MALRD1: variants seen among roughly 807,000 people sequenced by gnomAD.
The protein encoded by MALRD1 is MAM and LDL receptor class A domain containing 1, also known as MAM and LDL-receptor class A domain-containing protein 1.
A neutral mutation model predicts 242.1 loss-of-function variants in MALRD1; 247 were observed. That is an observed-to-expected ratio of 1.02 (90% CI 0.92 to 1.13). The LOEUF is 1.13. Among genes scored for constraint, MALRD1 ranks in the 50% most tolerant of loss-of-function variants. The pLI, the probability that MALRD1 is intolerant of heterozygous loss-of-function variation, is 0.00. For synonymous variants in MALRD1, 995 were observed against 866.6 expected (o/e 1.15, Z -2.60); for missense variants, 2,989 against 2,533.1 (o/e 1.18, Z -3.86).
At chr10:19,281,238 A>G (rs1840793628) in intron 20 of MALRD1, among the ~76,000 whole-genome samples, 1 of 152,226 alleles carries the variant, frequency 6.6e-6, no homozygotes, top group Non-Finnish European at 1.5e-5. Context: ...ATCATGCATC[A>G]CAGATGGAAA....
chr10:19,269,277 T>C (rs1436057319), intron 19 of MALRD1, among the ~76,000 whole-genome samples: 1 of 151,952 alleles, frequency 6.6e-6, no homozygotes, highest in African/African-American at 2.4e-5. Context: ...GATTAGGTCA[T>C]GAGGATGAGG....
chr10:19,685,235 C>T (rs1264938536), intron 36 of MALRD1, among the ~76,000 whole-genome samples: 1 of 151,866 alleles, frequency 6.6e-6, no homozygotes, highest in Non-Finnish European at 1.5e-5. Flanking sequence ...TTTTCTTTAT[C>T]TTTCTTCTAT....
intron 31 of MALRD1, among the ~76,000 whole-genome samples, chr10:19,509,627 C>T (rs1324846431): frequency 6.6e-6 from 1 of 152,164 alleles, no homozygotes; most frequent in Non-Finnish European, 1.5e-5. Flanking sequence ...TCACAAGGTA[C>T]AGTATCGAGT....
At chr10:19,134,821 T>G (rs1025061024) in intron 9 of MALRD1, among the ~76,000 whole-genome samples, 1 of 152,194 alleles carries the variant, frequency 6.6e-6, no homozygotes, top group Non-Finnish European at 1.5e-5. Context: ...TTGAGAGTTA[T>G]TCCAGGTTCT....
chr10:19,309,387 T>C (rs1359824693), intron 21 of MALRD1, among the ~76,000 whole-genome samples: 1 of 151,560 alleles, frequency 6.6e-6, no homozygotes, highest in Non-Finnish European at 1.5e-5. Flanking sequence ...TACCAAAATA[T>C]ATCTACTTAC....
chr10:19,652,083 C>T (rs1389380466), intron 36 of MALRD1, among the ~76,000 whole-genome samples: 2 of 152,098 alleles, frequency 1.3e-5, no homozygotes, highest in Non-Finnish European at 2.9e-5. Flanking sequence ...ACAGGGCCAG[C>T]GAGGGTGACC....
intron 38 of MALRD1, among the ~76,000 whole-genome samples, chr10:19,715,968 A>T (rs183128081): frequency 6.6e-6 from 1 of 151,344 alleles, no homozygotes; most frequent in African/African-American, 2.5e-5. Flanking sequence ...CCCACTTTCC[A>T]ACATTGGAGG....
At chr10:19,560,126 T>C (rs1835897600) in intron 32 of MALRD1, among the ~76,000 whole-genome samples, 1 of 152,182 alleles carries the variant, frequency 6.6e-6, no homozygotes, top group Non-Finnish European at 1.5e-5. Flanking sequence ...GACCCAGTCA[T>C]CCCATTACTG....
At chr10:19,416,597 A>T (rs1833521425) in intron 28 of MALRD1, among the ~76,000 whole-genome samples, 1 of 152,018 alleles carries the variant, frequency 6.6e-6, no homozygotes, top group Non-Finnish European at 1.5e-5. Context: ...TTTGGCAACA[A>T]AAGTCAACTT....
chr10:19,516,421 T>C (rs1225877147), intron 31 of MALRD1, among the ~76,000 whole-genome samples: 2 of 152,198 alleles, frequency 1.3e-5, no homozygotes, highest in East Asian at 1.9e-4. Flanking sequence ...ACATTTCTTA[T>C]AGCTTTTATT....
At chr10:19,609,764 A>G (rs892019332) in intron 35 of MALRD1, among the ~76,000 whole-genome samples, 1 of 152,094 alleles carries the variant, frequency 6.6e-6, no homozygotes, top group African/African-American at 2.4e-5. Flanking sequence ...GTCTGGCTAA[A>G]TCTAAACTGA....
chr10:19,358,195 A>AGTGTGTGTGTGTGTGTGT lies in MALRD1; in HGVS notation c.4441+5917_4441+5934dup, dbSNP rs776862926. Among the ~76,000 whole-genome samples, 366 of 145,672 alleles carry AGTGTGTGTGTGTGTGTGT rather than the reference A, an allele frequency of 2.5e-3. 6 individuals are homozygous for AGTGTGTGTGTGTGTGTGT. Among genetic ancestry groups the AGTGTGTGTGTGTGTGTGT allele is most frequent in the South Asian group, 7.4e-3 (34 of 4,574 alleles). On this transcript the variant is annotated intron_variant, in intron 26 of 39. Coordinates refer to ENST00000454679, the MANE Select transcript of MALRD1 (RefSeq NM_001142308.3). ...ATATATGCAATCAGGGCAGGAGTCA[A>AGTGTGTGTGTGTGTGTGT]GTGTGTGTGTGTGTGTGTGTGTGTG...
intron 19 of MALRD1, among the ~76,000 whole-genome samples, chr10:19,264,547 A>G (rs1839897240): frequency 6.8e-6 from 1 of 147,434 alleles, no homozygotes; most frequent in Non-Finnish European, 1.5e-5. Context: ...TCCGCCTCCC[A>G]GGTTCACGCC....
chr10:19,325,067 G>A lies in MALRD1; in HGVS notation c.3576+962G>A, dbSNP rs151253138. On this transcript the variant is annotated intron_variant, in intron 22 of 39. Transcript: ENST00000454679. ...ACAATGCTGATTGCCTAATTGTGATGTTCTAACTCAATTATTCTGTCCACA... is the reference window on the plus strand; with the variant it reads ...ACAATGCTGATTGCCTAATTGTGATATTCTAACTCAATTATTCTGTCCACA... 4.2e-3 allele frequency among the ~76,000 whole-genome samples: 429 copies of A among 101,826 alleles called. 4 individuals are homozygous for A. Among genetic ancestry groups the A allele is most frequent in the African/African-American group, 0.015 (414 of 26,710 alleles). The allele number at this position is 101,826 out of a possible 152,430, so 66.8% of individuals were successfully genotyped here.
At chr10:19,464,685 G>T (rs1417922199) in intron 29 of MALRD1, among the ~76,000 whole-genome samples, 1 of 152,062 alleles carries the variant, frequency 6.6e-6, no homozygotes, top group Non-Finnish European at 1.5e-5. Flanking sequence ...TCTTGCTTTG[G>T]CTATGTGGGC....
chr10:19,591,127 A>G (rs1032427074), intron 33 of MALRD1, among the ~76,000 whole-genome samples: 4 of 152,154 alleles, frequency 2.6e-5, no homozygotes, highest in African/African-American at 9.7e-5. Context: ...TGCCTTTTCT[A>G]GAATGTCATA....
chr10:19,573,250 G>T (rs1254420918), intron 33 of MALRD1, among the ~76,000 whole-genome samples: 1 of 152,148 alleles, frequency 6.6e-6, no homozygotes, highest in Non-Finnish European at 1.5e-5. Flanking sequence ...GGCCCTGGAA[G>T]CCATTAAGGC....
At position 19,669,583 on chromosome 10, in the gene MALRD1, A is replaced by T. The variant is rs538284717; in HGVS notation, c.6138-22699A>T. The stretch of plus-strand genomic sequence containing the variant: ...TACTCATAGTTTATCTAATAATTTA[A>T]TTTAGTACAAAATTGTGTTGAGAAG... On this transcript the variant is annotated intron_variant, in intron 36 of 39. Coordinates refer to ENST00000454679, the MANE Select transcript of MALRD1 (RefSeq NM_001142308.3). Among the ~76,000 whole-genome samples the T allele has an allele frequency of 3.5e-4, 54 of 152,294 alleles. 1 individual carries two copies. Among genetic ancestry groups the T allele is most frequent in the African/African-American group, 1.3e-3 (53 of 41,562 alleles).
chr10:19,115,566 T>G (rs965868286), intron 5 of MALRD1, among the ~76,000 whole-genome samples: 10 of 152,168 alleles, frequency 6.6e-5, no homozygotes, highest in Non-Finnish European at 1.3e-4. Context: ...ATGAGGAAGT[T>G]TATAATATAT....
Sources: allele counts gnomAD v4.1 joint callset (sites outside exome capture counted in the v4.1 genomes callset), GRCh38; gene constraint gnomAD v4.1.1; transcripts MANE v1.5; gene names NCBI Gene and HGNC (gene_info 2026-07-23, HGNC 2026-07-21).